Variants in RC3H1 observed in about 807,000 individuals in gnomAD.
RC3H1 encodes roquin-1.
RC3H1 carries 50 observed loss-of-function variants against 138.2 expected under a neutral mutation model. The observed-to-expected ratio is 0.36, with a 90% CI of 0.29 to 0.46. The LOEUF is 0.46. Among genes scored for constraint, RC3H1 ranks in the 20% least tolerant of loss-of-function variants. The pLI is 1.00. For synonymous variants in RC3H1, 462 were observed against 489.1 expected, an observed-to-expected ratio of 0.94 and a Z score of 0.73; for missense variants, 1,031 against 1,388.1, an observed-to-expected ratio of 0.74 and a Z score of 4.09.
chr1:173,932,884 A>G lies in RC3H1; in HGVS notation c.*5837T>C, dbSNP rs1045438624. 6.6e-6 allele frequency: 1 copy of G among 152,088 alleles called. No individual in the cohort carries two copies. Among genetic ancestry groups the G allele is most frequent in the African/African-American group, 2.4e-5 (1 of 41,418 alleles). 9.4% of individuals were successfully genotyped at this position (152,088 alleles called of 1,614,324 possible). Reference sequence around the variant, plus strand: ...AATCTTTTTCTTGACTCTTTCATACACTCACTGGGGTGGGGGACCACCTGA... The same window carrying G: ...AATCTTTTTCTTGACTCTTTCATACGCTCACTGGGGTGGGGGACCACCTGA... On this transcript the variant is annotated 3_prime_UTR_variant, in exon 20 of 20. Transcript: ENST00000367696.
In RC3H1 at chr1:173,952,362, GTTTTTTTTTTTTGT is replaced by G. The variant is rs1211321930; in HGVS notation, c.2371-238_2371-225del. 3.0e-4 allele frequency among the ~76,000 whole-genome samples: 27 copies of G among 90,154 alleles called. 1 individual carries two copies. The highest frequency in any genetic ancestry group is 9.2e-4 in the African/African-American group (22 of 24,004). 59.1% of individuals were successfully genotyped at this position (90,154 alleles called of 152,430 possible). On this transcript the variant is annotated intron_variant, in intron 13 of 19. Transcript: ENST00000367696. ...GTGAAGAGTGATTTTTAGCTTTCAG[GTTTTTTTTTTTTGT>G]TTTTTTTTTTTACCTTAGCAGAAGG...
intron 17 of RC3H1, among the ~76,000 whole-genome samples, chr1:173,944,698 T>A (rs1473769088): frequency 6.6e-6 from 1 of 152,236 alleles, no homozygotes; most frequent in Admixed American, 6.5e-5. Flanking sequence ...GGCATTCTGT[T>A]TCTATGACAG....
At chr1:173,946,862 A>G (rs773764296) in intron 15 of RC3H1, 26 bp from the exon 16 acceptor site, 48 of 1,429,436 alleles carry the variant, frequency 3.4e-5, no homozygotes, top group Non-Finnish European at 4.5e-5. Context: ...TTATTATGGT[A>G]TAATTCACAG....
At chr1:173,976,903 G>T (rs1240296464) in intron 7 of RC3H1, among the ~76,000 whole-genome samples, 1 of 151,284 alleles carries the variant, frequency 6.6e-6, no homozygotes, top group African/African-American at 2.4e-5. Flanking sequence ...AGTGTGGAAG[G>T]AAGATCAGGG....
At chr1:173,963,760 T>C (rs1227794175) in intron 11 of RC3H1, among the ~76,000 whole-genome samples, 1 of 152,216 alleles carries the variant, frequency 6.6e-6, no homozygotes, top group Admixed American at 6.5e-5. Context: ...CAACTGCTTT[T>C]AGTAGATATG....
chr1:173,941,546 C>A, intron 18 of RC3H1, 166 bp from the exon 19 acceptor site: 1 of 546,458 alleles, frequency 1.8e-6, no homozygotes, highest in Non-Finnish European at 3.3e-6. Context: ...AAAAACATAA[C>A]AGAATACAAT....
At chr1:173,948,465 T>G (rs1390053097) in intron 14 of RC3H1, among the ~76,000 whole-genome samples, 1 of 151,968 alleles carries the variant, frequency 6.6e-6, no homozygotes, top group Non-Finnish European at 1.5e-5. Flanking sequence ...AAATATATAT[T>G]TATCCCTATA....
chr1:173,981,133 C>G, intron 5 of RC3H1, 124 bp from the exon 6 acceptor site: 1 of 749,648 alleles, frequency 1.3e-6, no homozygotes, highest in Non-Finnish European at 2.1e-6. Flanking sequence ...ATACCATTTG[C>G]CTGCAAAATA....
chr1:173,959,933 G>A (rs928489472), intron 13 of RC3H1, among the ~76,000 whole-genome samples: 4 of 151,382 alleles, frequency 2.6e-5, no homozygotes, highest in African/African-American at 9.7e-5. Context: ...TGGTGAAACC[G>A]TGTCTCTACT....
At chr1:173,960,933 T>A in intron 13 of RC3H1, 144 bp downstream of exon 13, 1 of 737,056 alleles carries the variant, frequency 1.4e-6, no homozygotes, top group Non-Finnish European at 2.2e-6. Flanking sequence ...CAGTTCTAGA[T>A]GGATTGTAGA....
chr1:173,992,372 C>T (rs2103041932), intron 2 of RC3H1, among the ~76,000 whole-genome samples: 1 of 152,174 alleles, frequency 6.6e-6, no homozygotes, highest in South Asian at 2.1e-4. Flanking sequence ...GTCTCAAACA[C>T]CTGACCTCAA....
chr1:173,938,957 T>C lies in RC3H1; in HGVS notation c.3252-86A>G, dbSNP rs1156415703. The C allele has an allele frequency of 3.1e-5, 32 of 1,032,228 alleles. No homozygotes were observed. The South Asian group carries it at 5.1e-4, about 17-fold the overall frequency. 63.9% of individuals were successfully genotyped at this position (1,032,228 alleles called of 1,614,324 possible). A position where few individuals can be genotyped will look rare whatever the true frequency, so the allele number is the denominator to read the frequency against. Reference sequence around the variant, plus strand: ...CAACAGGGGATATAATTTAGCATGATTGAAAATATATAAATGGCTTCCACA... The same window carrying C: ...CAACAGGGGATATAATTTAGCATGACTGAAAATATATAAATGGCTTCCACA... On this transcript the variant is annotated intron_variant, in intron 19 of 19. Coordinates refer to ENST00000367696, the MANE Select transcript of RC3H1 (RefSeq NM_172071.4).
At chr1:173,942,921 ATGTC>A (rs1658967423) in intron 18 of RC3H1, among the ~76,000 whole-genome samples, 1 of 152,166 alleles carries the variant, frequency 6.6e-6, no homozygotes, top group Non-Finnish European at 1.5e-5. Flanking sequence ...ACTAAAATGA[ATGTC>A]TGTGCACTAT....
chr1:173,935,859 T>C lies in RC3H1; in HGVS notation c.*2862A>G, dbSNP rs1026081855. 6.6e-6 allele frequency: 1 copy of C among 152,234 alleles called. No homozygotes were observed. The highest frequency in any genetic ancestry group is 2.4e-5 in the African/African-American group (1 of 41,468). The allele number at this position is 152,234 out of a possible 1,614,324, so 9.4% of individuals were successfully genotyped here. A position where few individuals can be genotyped will look rare whatever the true frequency, so the allele number is the denominator to read the frequency against. ...ACATTATAGGCACAATGGGACAATA[T>C]ACCATCCTTCTGCCTTTCTGCCCAA... is the stretch of plus-strand genomic sequence containing the variant. On this transcript the variant is annotated 3_prime_UTR_variant, in exon 20 of 20. Coordinates refer to ENST00000367696, the MANE Select transcript of RC3H1 (RefSeq NM_172071.4).
chr1:173,935,905 A>T lies in RC3H1; in HGVS notation c.*2816T>A, dbSNP rs1242810019. On this transcript the variant is annotated 3_prime_UTR_variant, in exon 20 of 20. Transcript: ENST00000367696. ...CCCAACCAGATTAGCTCTAGAGTGTAGGACCATGGAGGGGTACAGCTTGAA... is the reference window on the plus strand; with the variant it reads ...CCCAACCAGATTAGCTCTAGAGTGTTGGACCATGGAGGGGTACAGCTTGAA... 6.6e-6 allele frequency: 1 copy of T among 152,132 alleles called. No homozygotes were observed. Among genetic ancestry groups the T allele is most frequent in the East Asian group, 1.9e-4 (1 of 5,204 alleles). The allele number at this position is 152,132 out of a possible 1,614,324, so 9.4% of individuals were successfully genotyped here. A position where few individuals can be genotyped will look rare whatever the true frequency, so the allele number is the denominator to read the frequency against.
At chr1:173,977,741 G>A (rs1660648314) in intron 7 of RC3H1, among the ~76,000 whole-genome samples, 1 of 152,178 alleles carries the variant, frequency 6.6e-6, no homozygotes. Flanking sequence ...ACTCTTTAGT[G>A]GGCAGGAGGG....
intron 18 of RC3H1, 96 bp downstream of exon 18, chr1:173,943,345 GT>G: frequency 8.6e-7 from 1 of 1,161,828 alleles, no homozygotes; most frequent in Non-Finnish European, 1.2e-6. Context: ...ACTCATCAGA[GT>G]GCCTTGAAGT....
chr1:173,980,905 A>G lies in RC3H1; in HGVS notation c.873T>C (p.Ala291=). The change falls in exon 6 of 20, where the codon GCT becomes GCC. Residue 291 remains alanine (A), a synonymous_variant. Transcript: ENST00000367696. ...GTGCAATTCGTAAGCCTGCTTCCAT[A>G]GCAATCTGCACTATCTGGGAGTCAT... ...REHDSQIVQI[A]MEAGLRIAPD... is the part of the protein sequence containing the mutation. The G allele has an allele frequency of 6.2e-7, 1 of 1,614,108 alleles. No individual in the cohort carries two copies. The highest frequency in any genetic ancestry group is 8.5e-7 in the Non-Finnish European group (1 of 1,179,950).
At chr1:173,994,748 G>A (rs1016504667) in intron 1 of RC3H1, among the ~76,000 whole-genome samples, 5 of 135,396 alleles carry the variant, frequency 3.7e-5, no homozygotes, top group East Asian at 2.2e-4. Context: ...AGTGAGCTAC[G>A]AACATGTGAC....
Sources: gnomAD v4.1 joint callset for allele counts (sites outside exome capture counted in the v4.1 genomes callset) on GRCh38, gnomAD v4.1.1 for gene constraint, MANE v1.5 for transcripts, NCBI Gene and HGNC (gene_info 2026-07-23, HGNC 2026-07-21) for gene names.